NADSYN1: variants seen among roughly 807,000 people sequenced by gnomAD.
The protein encoded by NADSYN1 is glutamine-dependent NAD(+) synthetase.
Under a neutral mutation model 99.3 loss-of-function variants are expected in NADSYN1, and 80 were observed. The ratio of observed to expected loss-of-function variants is 0.81; its 90% CI spans 0.67 to 0.97. NADSYN1 has a LOEUF of 0.97. Among genes scored for constraint, NADSYN1 ranks in the 50% least tolerant of loss-of-function variants. NADSYN1 has a pLI of 0.00. For synonymous variants in NADSYN1, 385 were observed against 372.1 expected (o/e 1.03, Z -0.40); for missense variants, 859 against 948.5 (o/e 0.91, Z 1.24).
intron 3 of NADSYN1, chr11:71,459,102 C>CTGCA (rs59496735): frequency 1.9e-5 from 3 of 159,942 alleles, no homozygotes; most frequent in Non-Finnish European, 4.0e-5. Context: ...GTGCTGTACC[C>CTGCA]TGCATAGCTG....
At chr11:71,474,334 G>A (rs2120448320) in intron 8 of NADSYN1, 61 bp from the exon 9 acceptor site, 1 of 1,607,128 alleles carries the variant, frequency 6.2e-7, no homozygotes, top group South Asian at 1.1e-5. Flanking sequence ...TACTTGGGCA[G>A]GTGGCAGGTG....
In NADSYN1 at chr11:71,458,132, A is replaced by G. The variant is rs552317432; in HGVS notation, c.147-296A>G. The stretch of plus-strand genomic sequence containing the variant: ...CTTGTAGATCAGTGTCATTTGGGCC[A>G]CATTAACAGTTACAAGGAAACCCAA... On this transcript the variant is annotated intron_variant, in intron 2 of 20. Coordinates refer to ENST00000319023, the MANE Select transcript of NADSYN1 (RefSeq NM_018161.5). Among the ~76,000 whole-genome samples, 3 of 152,314 alleles carry G rather than the reference A, an allele frequency of 2.0e-5. No individual in the cohort carries two copies. The East Asian group carries it at 5.8e-4, about 29-fold the overall frequency.
Position 71,481,700 on chromosome 11 carries a change from G to A in NADSYN1, c.1048-223G>A. 1.3e-5 allele frequency: 8 copies of A among 602,098 alleles called. No individual in the cohort carries two copies. In the South Asian group the frequency reaches 1.4e-4, roughly 11 times the overall value. 37.3% of individuals were successfully genotyped at this position (602,098 alleles called of 1,614,324 possible). On this transcript the variant is annotated intron_variant, in intron 12 of 20. Coordinates refer to ENST00000319023, the MANE Select transcript of NADSYN1 (RefSeq NM_018161.5). Reference sequence around the variant, plus strand: ...CATGCGTATCTGCAGTTCGTCGGTGGAGTCAGCCTCTGACACGCCCCGCAG... The same window carrying A: ...CATGCGTATCTGCAGTTCGTCGGTGAAGTCAGCCTCTGACACGCCCCGCAG...
intron 1 of NADSYN1, 67 bp from the exon 2 acceptor site, chr11:71,455,042 GT>G: frequency 8.4e-7 from 1 of 1,192,922 alleles, no homozygotes; most frequent in Non-Finnish European, 1.2e-6. Context: ...GCAGCAGGTT[GT>G]TTCATCTGTC....
At position 71,458,500 on chromosome 11, in the gene NADSYN1, T is replaced by C; in HGVS notation, c.219T>C (p.Leu73=). Residue 73 remains leucine, a synonymous_variant, in exon 3 of 21, where the codon CTT becomes CTC. Transcript: ENST00000319023. ...LLHSFQVLAA[L]VESPVTQDII... ...ACTCGTTTCAAGTCCTAGCGGCCCT[T>C]GTGGAGTCTCCCGTCACTCAGGACA... 6.2e-7 allele frequency: 1 copy of C among 1,613,784 alleles called. No homozygotes were observed. The highest frequency in any genetic ancestry group is 8.5e-7 in the Non-Finnish European group (1 of 1,179,720).
intron 2 of NADSYN1, among the ~76,000 whole-genome samples, chr11:71,455,661 C>A (rs1949508664): frequency 6.6e-6 from 1 of 152,216 alleles, no homozygotes; most frequent in African/African-American, 2.4e-5. Flanking sequence ...GAGAAGGAGA[C>A]AACCAGTCCT....
chr11:71,482,904 C>A lies in NADSYN1; in HGVS notation c.1206C>A (p.Pro402=). 6.2e-7 allele frequency: 1 copy of A among 1,613,236 alleles called. No individual in the cohort carries two copies. The highest frequency in any genetic ancestry group is 8.5e-7 in the Non-Finnish European group (1 of 1,179,626). Residue 402 remains proline, a synonymous_variant, in exon 14 of 21, where the codon CCC becomes CCA. Transcript: ENST00000319023. ...TCGTGAACCAGATCAGCTACACCCC[C>A]CAGGATCCCCGAGACCTCTGTGGAC... The part of the protein sequence containing the change: ...RTIVNQISYT[P]QDPRDLCGRI...
chr11:71,486,412 T>C (rs1225458620), intron 16 of NADSYN1, among the ~76,000 whole-genome samples: 1 of 151,618 alleles, frequency 6.6e-6, no homozygotes, highest in Non-Finnish European at 1.5e-5. Flanking sequence ...CCCATCTGTC[T>C]GTCCATCCAT....
chr11:71,474,669 G>A (rs1326922146), intron 9 of NADSYN1, 143 bp downstream of exon 9: 1 of 1,110,250 alleles, frequency 9.0e-7, no homozygotes, highest in South Asian at 1.3e-5. Context: ...GCTCTCCCCT[G>A]TAAGCCGGGC....
intron 16 of NADSYN1, among the ~76,000 whole-genome samples, chr11:71,488,003 CCTT>C (rs923981117): frequency 3.3e-5 from 5 of 152,296 alleles, no homozygotes; most frequent in African/African-American, 1.2e-4. Context: ...CCCTCTGCCG[CCTT>C]CTTCTCACGG....
chr11:71,485,222 T>C (rs1175897768), intron 15 of NADSYN1: 1 of 200,216 alleles, frequency 5.0e-6, no homozygotes, highest in African/African-American at 2.3e-5. Flanking sequence ...GGTAAAGGGA[T>C]GGAAATGCAG....
Position 71,484,380 on chromosome 11 carries a change from G to T in NADSYN1, c.1388G>T (p.Gly463Val). The change falls in exon 15 of 21, where the codon GGG (glycine) becomes GTG (valine). Residue 463 changes from glycine (G) to valine (V), a missense_variant. Coordinates refer to ENST00000319023, the MANE Select transcript of NADSYN1 (RefSeq NM_018161.5). ...AVMGIFSLVTGKSPLFAAHGG... is the reference protein window; with the variant it reads ...AVMGIFSLVTVKSPLFAAHGG... ...ATGGGCATCTTCAGCCTGGTGACGG[G>T]GAAGAGCCCTCTGTTTGCAGCTCAT... is the stretch of plus-strand genomic sequence containing the variant. 6.2e-7 allele frequency: 1 copy of T among 1,614,230 alleles called. No homozygotes were observed. Among genetic ancestry groups the T allele is most frequent in the South Asian group, 1.1e-5 (1 of 91,084 alleles).
chr11:71,499,553 C>A (rs1949843980), intron 20 of NADSYN1: 1 of 152,190 alleles, frequency 6.6e-6, no homozygotes, highest in African/African-American at 2.4e-5. Context: ...TGGCTTCCAA[C>A]CCACCCTGCT....
At chr11:71,486,641 A>G (rs1047261666) in intron 16 of NADSYN1, among the ~76,000 whole-genome samples, 2 of 150,634 alleles carry the variant, frequency 1.3e-5, no homozygotes, top group Non-Finnish European at 3.0e-5. Flanking sequence ...CTGTCCATCT[A>G]TCCACTCATC....
At chr11:71,491,195 T>C (rs1191368063) in intron 17 of NADSYN1, among the ~76,000 whole-genome samples, 1 of 152,202 alleles carries the variant, frequency 6.6e-6, no homozygotes, top group Non-Finnish European at 1.5e-5. Flanking sequence ...AGCTGTGGCC[T>C]CCTGCCTCCC....
Position 71,481,261 on chromosome 11 carries a change from G to A in NADSYN1, c.999-95G>A, listed in dbSNP as rs1004387867. 7.0e-6 allele frequency: 9 copies of A among 1,277,866 alleles called. No individual in the cohort carries two copies. The African/African-American group carries it at 1.3e-4, about 19-fold the overall frequency. The allele number at this position is 1,277,866 out of a possible 1,614,324, so 79.2% of individuals were successfully genotyped here. Reference sequence around the variant, plus strand: ...GTCCTGAGAGCCCAGCGTTGACTCTGGCACTGCAGCCTCCTGGGGCCTGCT... The same window carrying A: ...GTCCTGAGAGCCCAGCGTTGACTCTAGCACTGCAGCCTCCTGGGGCCTGCT... On this transcript the variant is annotated intron_variant, in intron 11 of 20. Transcript: ENST00000319023.
intron 5 of NADSYN1, chr11:71,464,401 C>T (rs796739035): frequency 1.6e-4 from 66 of 406,070 alleles, no homozygotes; most frequent in South Asian, 7.0e-4. Flanking sequence ...CACAATGTCC[C>T]GGGGTTTAAA....
Position 71,478,439 on chromosome 11 carries a change from C to T in NADSYN1, c.843C>T (p.Tyr281=). The T allele has an allele frequency of 6.2e-7, 1 of 1,609,282 alleles. No individual in the cohort carries two copies. The highest frequency in any genetic ancestry group is 1.1e-5 in the South Asian group (1 of 89,776). The change falls in exon 10 of 21, where the codon TAC becomes TAT. Residue 281 remains tyrosine, a synonymous_variant. Transcript: ENST00000319023. ...TGGATCTGGAGGACGTCCGGAGCTA[C>T]AGGGCGGAGATTTCATCTCGAAACC... ...ATLDLEDVRS[Y]RAEISSRNLA... is the part of the protein sequence containing the mutation.
chr11:71,455,834 G>T (rs1949510031), intron 2 of NADSYN1, among the ~76,000 whole-genome samples: 1 of 152,242 alleles, frequency 6.6e-6, no homozygotes, highest in Admixed American at 6.5e-5. Flanking sequence ...CGTGATCTCA[G>T]AATCTTTCCA....
Sources: allele counts gnomAD v4.1 joint callset (sites outside exome capture counted in the v4.1 genomes callset), GRCh38; gene constraint gnomAD v4.1.1; transcripts MANE v1.5; gene names NCBI Gene and HGNC (gene_info 2026-07-23, HGNC 2026-07-21).